The following ATP2C1 variants were observed in gnomAD, a reference collection of about 807,000 sequenced individuals.
ATP2C1 encodes the protein calcium-transporting ATPase type 2C member 1.
In ATP2C1, 31 loss-of-function variants were observed where a neutral mutation model predicts 120.5. The observed-to-expected ratio is 0.26, with a 90% CI of 0.19 to 0.35. ATP2C1 has a LOEUF of 0.35. ATP2C1 is among the 10% of genes least tolerant of loss of function. The pLI, the probability that ATP2C1 is intolerant of heterozygous loss-of-function variation, is 1.00. For missense variants in ATP2C1, 731 were observed against 1,107.5 expected, an observed-to-expected ratio of 0.66 and a Z score of 4.83; for synonymous variants, 351 against 358.7, an observed-to-expected ratio of 0.98 and a Z score of 0.24.
At chr3:130,876,861 T>C (rs1477257918) in intron 1 of ATP2C1, among the ~76,000 whole-genome samples, 1 of 152,106 alleles carries the variant, frequency 6.6e-6, no homozygotes, top group East Asian at 1.9e-4. Flanking sequence ...TAGGGGTTTT[T>C]TGTAGCTAGT....
intron 19 of ATP2C1, 47 bp from the exon 20 acceptor site, chr3:130,980,535 A>C (rs776571400): frequency 6.9e-7 from 1 of 1,440,016 alleles, no homozygotes; most frequent in Non-Finnish European, 9.8e-7. Flanking sequence ...TAGCCTGTCA[A>C]GCAAAAACAA....
In ATP2C1 at chr3:130,980,565, T is replaced by C; in HGVS notation, c.1742-17T>C. On this transcript the variant is annotated splice_polypyrimidine_tract_variant and intron_variant, in intron 19 of 27. Coordinates refer to ENST00000510168, the MANE Select transcript of ATP2C1 (RefSeq NM_001378687.1). ...AAACAATTTGGTTTATTACATTTTCTCTCTCATTTGCTTTAGCCAGTCGTC... is the reference window on the plus strand; with the variant it reads ...AAACAATTTGGTTTATTACATTTTCCCTCTCATTTGCTTTAGCCAGTCGTC... The C allele has an allele frequency of 6.3e-7, 1 of 1,594,936 alleles. No individual in the cohort carries two copies. The highest frequency in any genetic ancestry group is 8.6e-7 in the Non-Finnish European group (1 of 1,162,860).
chr3:130,871,001 G>A (rs956020500), intron 1 of ATP2C1, among the ~76,000 whole-genome samples: 5 of 152,156 alleles, frequency 3.3e-5, no homozygotes, highest in African/African-American at 4.8e-5. Context: ...AGCCATTAAC[G>A]TCAAGGCGAG....
At chr3:131,009,696 A>C (rs2063245761) in intron 26 of ATP2C1, among the ~76,000 whole-genome samples, 1 of 152,222 alleles carries the variant, frequency 6.6e-6, no homozygotes, top group Non-Finnish European at 1.5e-5. Flanking sequence ...TCTGGAAAGA[A>C]ATGCAGAAGC....
At chr3:130,856,555 T>C (rs898352892) in intron 1 of ATP2C1, among the ~76,000 whole-genome samples, 1 of 152,224 alleles carries the variant, frequency 6.6e-6, no homozygotes, top group East Asian at 1.9e-4. Flanking sequence ...TTGTAAAAAG[T>C]CTTTTTGAAA....
chr3:130,995,670 T>A (rs1398094957), intron 22 of ATP2C1, among the ~76,000 whole-genome samples: 1 of 152,246 alleles, frequency 6.6e-6, no homozygotes, highest in East Asian at 1.9e-4. Flanking sequence ...TGAGTCAGTC[T>A]CACTTTGTTG....
chr3:130,997,907 C>T (rs1337880136), intron 25 of ATP2C1, among the ~76,000 whole-genome samples, 154 bp downstream of exon 25: 1 of 152,026 alleles, frequency 6.6e-6, no homozygotes, highest in African/African-American at 2.4e-5. Flanking sequence ...TGATTTCCAT[C>T]TTTATGGATA....
At chr3:130,948,821 A>T (rs1222259671) in intron 8 of ATP2C1, among the ~76,000 whole-genome samples, 1 of 152,142 alleles carries the variant, frequency 6.6e-6, no homozygotes, top group Non-Finnish European at 1.5e-5. Context: ...TAATTCTCAC[A>T]GTATTTCGAA....
At chr3:130,930,368 C>T (rs1430997078) in intron 2 of ATP2C1, 48 bp from the exon 3 acceptor site, 64 of 1,187,848 alleles carry the variant, frequency 5.4e-5, no homozygotes, top group Non-Finnish European at 8.0e-5. Flanking sequence ...GACTGCATTA[C>T]ACTTGTTTGC....
chr3:130,931,707 T>G (rs1240312046), intron 3 of ATP2C1, among the ~76,000 whole-genome samples: 1 of 152,096 alleles, frequency 6.6e-6, no homozygotes, highest in South Asian at 2.1e-4. Flanking sequence ...TTTGTTGAGA[T>G]ATAATTCACA....
At chr3:130,994,287 A>G (rs1394726521) in intron 22 of ATP2C1, among the ~76,000 whole-genome samples, 189 bp downstream of exon 22, 1 of 152,216 alleles carries the variant, frequency 6.6e-6, no homozygotes, top group Non-Finnish European at 1.5e-5. Flanking sequence ...CAGGCATAGT[A>G]AATGGCAGGA....
At chr3:131,005,221 T>A (rs2063060857), downstream of ATP2C1, among the ~76,000 whole-genome samples, 1 of 146,782 alleles carries the variant, frequency 6.8e-6, no homozygotes, top group South Asian at 2.3e-4. Context: ...GATCAAGCGA[T>A]CCTCCCACCT....
At chr3:130,869,734 C>T (rs544594611) in intron 1 of ATP2C1, among the ~76,000 whole-genome samples, 168 of 152,266 alleles carry the variant, frequency 1.1e-3, no homozygotes, top group Non-Finnish European at 1.8e-3. Context: ...CTCTTGAATT[C>T]TGTGAAGGTT....
intron 27 of ATP2C1, among the ~76,000 whole-genome samples, chr3:131,000,856 A>C (rs911583029): frequency 2.6e-5 from 4 of 152,148 alleles, no homozygotes; most frequent in Non-Finnish European, 5.9e-5. Flanking sequence ...TAATCCCAAT[A>C]CTTCGGGAGG....
At chr3:131,015,438 C>A (rs1309990910) in intron 26 of ATP2C1, among the ~76,000 whole-genome samples, 1 of 152,166 alleles carries the variant, frequency 6.6e-6, no homozygotes, top group Non-Finnish European at 1.5e-5. Flanking sequence ...TGCTCCACAC[C>A]CTACTGCTGC....
chr3:130,942,258 C>T (rs1237216667), intron 8 of ATP2C1, among the ~76,000 whole-genome samples: 3 of 152,138 alleles, frequency 2.0e-5, no homozygotes, highest in Non-Finnish European at 2.9e-5. Context: ...GGGTAGAAAA[C>T]GTGTGATGGA....
At chr3:130,932,341 T>A (rs180687537) in intron 4 of ATP2C1, among the ~76,000 whole-genome samples, 122 of 152,246 alleles carry the variant, frequency 8.0e-4, no homozygotes, top group East Asian at 3.9e-4. Flanking sequence ...AAGACAACAT[T>A]TTCCATATGG....
At chr3:130,879,019 ATAAG>A (rs937922674) in intron 1 of ATP2C1, among the ~76,000 whole-genome samples, 1 of 152,170 alleles carries the variant, frequency 6.6e-6, no homozygotes, top group Non-Finnish European at 1.5e-5. Flanking sequence ...TTGAAACTAT[ATAAG>A]TATTGTTTAT....
chr3:130,893,204 T>C (rs375465033), upstream of ATP2C1, among the ~76,000 whole-genome samples: 1 of 152,142 alleles, frequency 6.6e-6, no homozygotes, highest in Non-Finnish European at 1.5e-5. Flanking sequence ...GCAAGTGAAA[T>C]GTTTACGTGT....
Sources: allele counts gnomAD v4.1 joint callset (sites outside exome capture counted in the v4.1 genomes callset), GRCh38; gene constraint gnomAD v4.1.1; transcripts MANE v1.5; gene names NCBI Gene and HGNC (gene_info 2026-07-23, HGNC 2026-07-21).